The following ATP11A variants were observed in gnomAD, a reference collection of about 807,000 sequenced individuals.
The protein encoded by ATP11A is phospholipid-transporting ATPase IH.
In ATP11A, 81 loss-of-function variants were observed where a neutral mutation model predicts 154.4. That is an observed-to-expected ratio of 0.52 (90% CI 0.44 to 0.63). The LOEUF is 0.63. Ranked by LOEUF, ATP11A falls within the 30% of genes least tolerant of loss-of-function variation. ATP11A has a pLI of 0.00. For synonymous variants in ATP11A, 623 were observed against 585.9 expected (o/e 1.06, Z -0.91); for missense variants, 1,316 against 1,474.3 (o/e 0.89, Z 1.76).
At position 112,870,931 on chromosome 13, in the gene ATP11A, GTGTC is replaced by G. The variant is rs141248231; in HGVS notation, c.2992-800_2992-797del. On this transcript the variant is annotated intron_variant, in intron 25 of 29. Coordinates refer to ENST00000375645, the MANE Select transcript of ATP11A (RefSeq NM_015205.3). ...GCACGCGGTCCTCACGGGTGTGTCT[GTGTC>G]TGTGCTGCGTTGCCAGCTGGCAGCT... is the stretch of plus-strand genomic sequence containing the variant. Among the ~76,000 whole-genome samples, 497 of 152,360 alleles carry G rather than the reference GTGTC, an allele frequency of 3.3e-3. 22 individuals are homozygous for G. In the East Asian group the frequency reaches 0.085, roughly 26 times the overall value.
intron 1 of ATP11A, among the ~76,000 whole-genome samples, chr13:112,750,875 A>G (rs1248036542): frequency 1.3e-5 from 2 of 152,234 alleles, no homozygotes. Context: ...TACCGTCATC[A>G]TGATATTTTT....
chr13:112,842,581 C>T (rs1466468423), intron 17 of ATP11A, among the ~76,000 whole-genome samples: 2 of 152,244 alleles, frequency 1.3e-5, no homozygotes, highest in Non-Finnish European at 2.9e-5. Context: ...CAGCCAGGCA[C>T]AGGCTGTCCA....
Position 112,832,911 on chromosome 13 carries a change from G to T in ATP11A, c.1447G>T (p.Val483Leu), listed in dbSNP as rs751897052. 1.7e-5 allele frequency: 27 copies of T among 1,614,024 alleles called. No homozygotes were observed. In the East Asian group the frequency reaches 4.9e-4, roughly 29 times the overall value. The change falls in exon 14 of 30, where the codon GTG becomes TTG. Residue 483 changes from valine (V) to leucine (L), a missense_variant. Val to Leu is a conservative substitution (Grantham distance 32, BLOSUM62 1). Around this residue, in one of 5 missense-constraint regions of ATP11A, gnomAD observed 876 missense variants for 1,006.8 expected, o/e 0.87. Coordinates refer to ENST00000375645, the MANE Select transcript of ATP11A (RefSeq NM_015205.3). ...RALCLCHTVQ[V>L]KDDDSVDGPR... is the part of the protein sequence containing the mutation. ...CCTCTGTCTCTGCCACACCGTCCAGGTGAAAGACGATGACAGCGTAGACGG... is the reference window on the plus strand; with the variant it reads ...CCTCTGTCTCTGCCACACCGTCCAGTTGAAAGACGATGACAGCGTAGACGG...
At chr13:112,853,245 T>G (rs2079823613) in intron 18 of ATP11A, among the ~76,000 whole-genome samples, 1 of 151,614 alleles carries the variant, frequency 6.6e-6, no homozygotes, top group Non-Finnish European at 1.5e-5. Context: ...TTTCTCTCTC[T>G]CTATATATAT....
At chr13:112,766,848 C>T (rs1363953248) in intron 1 of ATP11A, among the ~76,000 whole-genome samples, 1 of 56,134 alleles carries the variant, frequency 1.8e-5, no homozygotes, top group Non-Finnish European at 3.2e-5. Flanking sequence ...TGTTGGGGGC[C>T]CCTGTGGGAA....
At chr13:112,849,535 A>G (rs2079702289) in intron 17 of ATP11A, among the ~76,000 whole-genome samples, 1 of 151,956 alleles carries the variant, frequency 6.6e-6, no homozygotes, top group Admixed American at 6.6e-5. Context: ...TTGTTATGTA[A>G]TTTTTCTGGT....
At chr13:112,824,870 C>G (rs1272543440) in intron 10 of ATP11A, among the ~76,000 whole-genome samples, 9 of 152,208 alleles carry the variant, frequency 5.9e-5, no homozygotes, top group Middle Eastern at 3.2e-3. Flanking sequence ...ATAAATATGT[C>G]AGGATGGTAG....
chr13:112,809,548 G>A (rs972060382), intron 4 of ATP11A, among the ~76,000 whole-genome samples: 1 of 152,058 alleles, frequency 6.6e-6, no homozygotes, highest in East Asian at 1.9e-4. Context: ...GTGGTTGTGT[G>A]TCTCAGCACA....
Position 112,860,405 on chromosome 13 carries a change from C to A in ATP11A, c.2846C>A (p.Thr949Asn). Residue 949 changes from threonine to asparagine, a missense_variant, in exon 24 of 30, where the codon ACC (threonine) becomes AAC (asparagine). Transcript: ENST00000375645. ...ATTGACGTGCTCAAGAGAGACCCGA[C>A]CCTGTACAGGTACCATCCTCCAAAC... Reference protein sequence around the residue: ...VGIDVLKRDPTLYRDVAKNAL... With the variant: ...VGIDVLKRDPNLYRDVAKNAL... 2 of 1,614,150 alleles carry A rather than the reference C, an allele frequency of 1.2e-6. No individual in the cohort carries two copies. Among genetic ancestry groups the A allele is most frequent in the South Asian group, 1.1e-5 (1 of 91,074 alleles).
chr13:112,711,084 G>A (rs2104789), intron 1 of ATP11A, among the ~76,000 whole-genome samples: 116,829 of 151,924 alleles, frequency 0.77, 47,164 homozygotes, highest in South Asian at 0.94. Flanking sequence ...TCGTATTTGG[G>A]GGAAGGAGGC....
chr13:112,802,852 G>C (rs1198155403), intron 2 of ATP11A, among the ~76,000 whole-genome samples: 1 of 152,178 alleles, frequency 6.6e-6, no homozygotes, highest in Admixed American at 6.5e-5. Flanking sequence ...TGGGAGAATA[G>C]ATTTGCAAAA....
In ATP11A at chr13:112,851,023, A is replaced by G; in HGVS notation, c.1810-14A>G. The G allele has an allele frequency of 6.2e-7, 1 of 1,611,526 alleles. No individual in the cohort carries two copies. The highest frequency in any genetic ancestry group is 8.5e-7 in the Non-Finnish European group (1 of 1,178,042). ...ACCTTGAATTCGTGCTAAACGCTGC[A>G]TTGTGTTCTGCAGGAGGGGCTCCGA... On this transcript the variant is annotated splice_polypyrimidine_tract_variant and intron_variant, in intron 17 of 29. Transcript: ENST00000375645.
At chr13:112,698,461 C>T (rs1005497690) in intron 1 of ATP11A, among the ~76,000 whole-genome samples, 2 of 152,160 alleles carry the variant, frequency 1.3e-5, no homozygotes, top group Non-Finnish European at 2.9e-5. Context: ...TGTAATTCAC[C>T]ACAGCTGTAA....
At chr13:112,773,171 C>T (rs535629981) in intron 1 of ATP11A, among the ~76,000 whole-genome samples, 58 of 152,114 alleles carry the variant, frequency 3.8e-4, no homozygotes, top group African/African-American at 1.3e-3. Context: ...TGTTTCTCAT[C>T]GCCTCTGGGT....
At chr13:112,851,295 G>A in intron 18 of ATP11A, 77 bp downstream of exon 18, 1 of 1,471,176 alleles carries the variant, frequency 6.8e-7, no homozygotes. Flanking sequence ...GTGAGGGCGA[G>A]TGGACGGGAG....
Position 112,875,947 on chromosome 13 carries a change from G to C in ATP11A, c.3327+6G>C, listed in dbSNP as rs777722835. On this transcript the variant is annotated splice_donor_region_variant and intron_variant, in intron 28 of 29. Coordinates refer to ENST00000375645, the MANE Select transcript of ATP11A (RefSeq NM_015205.3). This position sits in a 1 kb window ranked among gnomAD's most constrained non-coding sequence, Gnocchi z 4.1. ...CAGCAACAGAGAGAGTCCAGGTACGGAGTGTCCCCAGCCGGGGCGGGGGTG... is the reference window on the plus strand; with the variant it reads ...CAGCAACAGAGAGAGTCCAGGTACGCAGTGTCCCCAGCCGGGGCGGGGGTG... 4 of 1,606,056 alleles carry C rather than the reference G, an allele frequency of 2.5e-6. No homozygotes were observed. In the South Asian group the frequency reaches 4.4e-5, roughly 18 times the overall value.
At chr13:112,823,035 G>C (rs1594798830) in intron 8 of ATP11A, among the ~76,000 whole-genome samples, 1 of 152,292 alleles carries the variant, frequency 6.6e-6, no homozygotes, top group Admixed American at 6.5e-5. Flanking sequence ...GTCTCTCGGG[G>C]AGTGTTGCTG....
In ATP11A at chr13:112,842,368, C is replaced by T. The variant is rs2079447425; in HGVS notation, c.1798C>T (p.Arg600Cys). ...TGACCAGATCCGAGCCAGAGTGGAG[C>T]GTAACGCAGTGGTGAGAGCCGGGCT... is the stretch of plus-strand genomic sequence containing the variant. ...KVDQIRARVERNAVEGLRTLC... is the reference protein window; with the variant it reads ...KVDQIRARVECNAVEGLRTLC... The change falls in exon 17 of 30, where the codon CGT becomes TGT. Residue 600 changes from arginine (R) to cysteine (C), a missense_variant. Around this residue, in one of 5 missense-constraint regions of ATP11A, gnomAD observed 876 missense variants for 1,006.8 expected, o/e 0.87. Transcript: ENST00000375645. 5.6e-6 allele frequency: 9 copies of T among 1,605,406 alleles called. No homozygotes were observed. The highest frequency in any genetic ancestry group is 7.7e-6 in the Non-Finnish European group (9 of 1,175,498).
chr13:112,762,971 C>T (rs1440773555), intron 1 of ATP11A, among the ~76,000 whole-genome samples: 2 of 152,216 alleles, frequency 1.3e-5, no homozygotes, highest in Non-Finnish European at 2.9e-5. Flanking sequence ...AGAATAAAAC[C>T]ATTCTTCAGT....
Sources: gnomAD v4.1 joint callset for allele counts (sites outside exome capture counted in the v4.1 genomes callset) on GRCh38, gnomAD v4.1.1 for gene constraint, gnomAD v4.1.1 regional missense constraint, Gnocchi (gnomAD v3.1) non-coding constraint, MANE v1.5 for transcripts, NCBI Gene and HGNC (gene_info 2026-07-23, HGNC 2026-07-21) for gene names.